The following TCERG1L variants were observed in gnomAD, a reference collection of about 807,000 sequenced individuals.
TCERG1L encodes transcription elongation regulator 1 like.
In TCERG1L, 37 loss-of-function variants were observed where a neutral mutation model predicts 56.3. The ratio of observed to expected loss-of-function variants is 0.66; its 90% confidence interval spans 0.51 to 0.87. The LOEUF (loss-of-function observed/expected upper bound fraction) is 0.87, where lower values mean the gene tolerates loss of function less well. TCERG1L is among the 40% of genes least tolerant of loss of function. The probability of loss-of-function intolerance (pLI) is 0.00; values close to 1 mark genes in which losing one functional copy is unlikely to be tolerated. For missense variants in TCERG1L, 799 were observed against 774.2 expected, an observed-to-expected ratio of 1.03 and a Z score of -0.38; for synonymous variants, 324 against 326.3, an observed-to-expected ratio of 0.99 and a Z score of 0.08.
At chr10:131,231,282 T>C (rs1026117015) in intron 4 of TCERG1L, among the ~76,000 whole-genome samples, 1 of 152,130 alleles carries the variant, frequency 6.6e-6, no homozygotes, top group African/African-American at 2.4e-5. Context: ...TAAGCTGTGA[T>C]CATAGAGCTA....
intron 4 of TCERG1L, among the ~76,000 whole-genome samples, chr10:131,222,181 G>T (rs1434645009): frequency 2.0e-5 from 3 of 152,230 alleles, no homozygotes; most frequent in Non-Finnish European, 4.4e-5. Flanking sequence ...GCTTCTCCGC[G>T]GCATGCGAGT....
At chr10:131,122,605 G>A (rs1017452109) in intron 8 of TCERG1L, among the ~76,000 whole-genome samples, 2 of 152,206 alleles carry the variant, frequency 1.3e-5, no homozygotes, top group African/African-American at 2.4e-5. Context: ...CTCACCCCAT[G>A]AGTCTCTTCC....
At chr10:131,299,616 C>A (rs954439060) in intron 3 of TCERG1L, among the ~76,000 whole-genome samples, 4 of 150,494 alleles carry the variant, frequency 2.7e-5, no homozygotes, top group African/African-American at 7.4e-5. Flanking sequence ...TGTCCTCTGT[C>A]AATTTGAGGA....
chr10:131,236,401 G>T (rs1845913123), intron 4 of TCERG1L, among the ~76,000 whole-genome samples: 1 of 152,126 alleles, frequency 6.6e-6, no homozygotes, highest in African/African-American at 2.4e-5. Context: ...ACATGACACA[G>T]CCATGCTGAC....
At chr10:131,309,834 C>CAAAAAAAAAAAAAAA (rs58892586) in intron 1 of TCERG1L, among the ~76,000 whole-genome samples, 8 of 49,852 alleles carry the variant, frequency 1.6e-4, no homozygotes, top group Admixed American at 2.7e-4. Flanking sequence ...GATTCTATGG[C>CAAAAAAAAAAAAAAA]AAAAAAAAAA....
At chr10:131,125,457 G>A (rs79720164) in intron 8 of TCERG1L, among the ~76,000 whole-genome samples, 5 of 152,352 alleles carry the variant, frequency 3.3e-5, no homozygotes, top group Admixed American at 6.5e-5. Flanking sequence ...AAATTCTGCA[G>A]GAATCAAAGT....
chr10:131,275,045 C>G (rs752188157), intron 3 of TCERG1L, among the ~76,000 whole-genome samples: 3 of 152,174 alleles, frequency 2.0e-5, no homozygotes, highest in Non-Finnish European at 4.4e-5. Context: ...GATCCATACT[C>G]AAAGGTGCCC....
chr10:131,259,278 T>C (rs1846208466), intron 4 of TCERG1L, among the ~76,000 whole-genome samples: 1 of 152,242 alleles, frequency 6.6e-6, no homozygotes, highest in African/African-American at 2.4e-5. Context: ...TATGTGTGTG[T>C]GTGTCTATCA....
chr10:131,262,675 C>A (rs958519605), intron 3 of TCERG1L, among the ~76,000 whole-genome samples: 2 of 152,150 alleles, frequency 1.3e-5, no homozygotes, highest in African/African-American at 4.8e-5. Context: ...ACGGTGTTCA[C>A]TGGGGTTCAC....
At chr10:131,173,757 G>A (rs1846116755) in intron 4 of TCERG1L, among the ~76,000 whole-genome samples, 1 of 152,224 alleles carries the variant, frequency 6.6e-6, no homozygotes, top group South Asian at 2.1e-4. Context: ...GAGCAGAGAG[G>A]CACGGCCTGG....
intron 10 of TCERG1L, 62 bp from the exon 11 acceptor site, chr10:131,098,486 A>G (rs1845272157): frequency 6.6e-7 from 1 of 1,511,116 alleles, no homozygotes; most frequent in African/African-American, 1.4e-5. Flanking sequence ...GAAATCTTGT[A>G]TTCCAAGCAC....
At chr10:131,152,713 A>C (rs1455670040) in intron 6 of TCERG1L, among the ~76,000 whole-genome samples, 1 of 152,202 alleles carries the variant, frequency 6.6e-6, no homozygotes, top group Non-Finnish European at 1.5e-5. Context: ...ATTCTCACAT[A>C]GCTATAAGGA....
chr10:131,218,710 G>C (rs559565539), intron 4 of TCERG1L, among the ~76,000 whole-genome samples: 1 of 152,160 alleles, frequency 6.6e-6, no homozygotes, highest in Non-Finnish European at 1.5e-5. Context: ...CTGAGCCACC[G>C]GGAATCATCT....
intron 4 of TCERG1L, among the ~76,000 whole-genome samples, chr10:131,251,919 G>T (rs953042955): frequency 5.3e-5 from 8 of 152,118 alleles, no homozygotes; most frequent in Admixed American, 4.6e-4. Flanking sequence ...AAACTGTCCT[G>T]GTTCAACAAT....
chr10:131,168,053 C>G (rs530005407), intron 4 of TCERG1L, among the ~76,000 whole-genome samples: 30 of 152,274 alleles, frequency 2.0e-4, no homozygotes, highest in African/African-American at 7.0e-4. Flanking sequence ...TTAGCTTGAT[C>G]CAGAGCTCAA....
chr10:131,232,672 C>T (rs74955938), intron 4 of TCERG1L, among the ~76,000 whole-genome samples: 2 of 152,182 alleles, frequency 1.3e-5, no homozygotes, highest in Admixed American at 1.3e-4. Flanking sequence ...ACAGTGCGGA[C>T]AGCTCAAGTA....
At chr10:131,155,154 G>C (rs527694189) in intron 6 of TCERG1L, among the ~76,000 whole-genome samples, 3 of 152,168 alleles carry the variant, frequency 2.0e-5, no homozygotes, top group Non-Finnish European at 4.4e-5. Flanking sequence ...GTCCCTGCAC[G>C]GCACCAACAA....
At chr10:131,212,008 T>G (rs780431159) in intron 4 of TCERG1L, among the ~76,000 whole-genome samples, 13 of 152,176 alleles carry the variant, frequency 8.5e-5, no homozygotes, top group African/African-American at 2.4e-4. Context: ...AAGCAAGAAT[T>G]AATGATAAGA....
intron 8 of TCERG1L, among the ~76,000 whole-genome samples, chr10:131,131,054 C>T (rs767600602): frequency 1.1e-4 from 16 of 152,186 alleles, no homozygotes; most frequent in Admixed American, 2.6e-4. Flanking sequence ...CTGTGCATTT[C>T]ACAAGCCCTG....
Sources: allele counts gnomAD v4.1 joint callset (sites outside exome capture counted in the v4.1 genomes callset), GRCh38; gene constraint gnomAD v4.1.1; transcripts MANE v1.5; gene names NCBI Gene and HGNC (gene_info 2026-07-23, HGNC 2026-07-21).